Variants in GRAMD1B observed in about 807,000 individuals in gnomAD.
The protein encoded by GRAMD1B is GRAM domain containing 1B.
Under a neutral mutation model 99.7 loss-of-function variants are expected in GRAMD1B, and 37 were observed. The ratio of observed to expected loss-of-function variants is 0.37; its 90% CI spans 0.29 to 0.49. The LOEUF is 0.49. Among genes scored for constraint, GRAMD1B ranks in the 20% least tolerant of loss-of-function variants. The pLI is 0.98. For missense variants in GRAMD1B, 888 were observed against 1,009.2 expected, an observed-to-expected ratio of 0.88 and a Z score of 1.63; for synonymous variants, 427 against 387.6, an observed-to-expected ratio of 1.10 and a Z score of -1.19.
chr11:123,363,860 A>G (rs1197054722), intron 1 of GRAMD1B, among the ~76,000 whole-genome samples: 1 of 152,220 alleles, frequency 6.6e-6, no homozygotes, highest in Non-Finnish European at 1.5e-5. Context: ...ATTGGCTTAG[A>G]CACGGACTTA....
chr11:123,607,452 G>C (rs1952889874), intron 11 of GRAMD1B, among the ~76,000 whole-genome samples: 1 of 152,200 alleles, frequency 6.6e-6, no homozygotes, highest in South Asian at 2.1e-4. Flanking sequence ...TATGACTGGT[G>C]AGCATATGAG....
chr11:123,360,560 T>C (rs1274551380), intron 1 of GRAMD1B, among the ~76,000 whole-genome samples: 1 of 152,166 alleles, frequency 6.6e-6, no homozygotes, highest in Non-Finnish European at 1.5e-5. Flanking sequence ...TGTTTGGTTT[T>C]GGAGATTTGG....
intron 2 of GRAMD1B, among the ~76,000 whole-genome samples, chr11:123,546,166 A>C (rs1290811): frequency 0.79 from 120,330 of 152,134 alleles, 48,349 homozygotes; most frequent in African/African-American, 0.94. Context: ...CCACGCCCAA[A>C]TTGGTCCCCT....
In GRAMD1B at chr11:123,613,522, G is replaced by A. The variant is rs755392602; in HGVS notation, c.2091G>A (p.Lys697=). Residue 697 remains lysine (K), a synonymous_variant, in exon 16 of 20, where the codon AAG becomes AAA. Coordinates refer to ENST00000635736, the MANE Select transcript of GRAMD1B (RefSeq NM_001387025.1). The part of the protein sequence containing the change: ...AEMHRQSPKE[K]ASKTTTVRRR... The stretch of plus-strand genomic sequence containing the variant: ...TGCACAGACAATCTCCCAAAGAGAA[G>A]GCCAGCAAGACTACAACGGTGCGGA... 5.0e-6 allele frequency: 8 copies of A among 1,613,600 alleles called. No homozygotes were observed. Among genetic ancestry groups the A allele is most frequent in the Non-Finnish European group, 6.8e-6 (8 of 1,179,744 alleles).
chr11:123,560,623 C>G (rs1235925214), intron 2 of GRAMD1B: 1 of 492,562 alleles, frequency 2.0e-6, no homozygotes, highest in Non-Finnish European at 3.8e-6. Context: ...GCACTGCACT[C>G]TGCTACTGTT....
chr11:123,483,988 C>G (rs903673100), intron 2 of GRAMD1B, among the ~76,000 whole-genome samples: 57 of 152,324 alleles, frequency 3.7e-4, no homozygotes, highest in Middle Eastern at 3.4e-3. Flanking sequence ...TCATTCTTGT[C>G]AAGATGCTTA....
intron 2 of GRAMD1B, among the ~76,000 whole-genome samples, chr11:123,550,255 T>A (rs1239350776): frequency 6.6e-6 from 1 of 152,096 alleles, no homozygotes; most frequent in Admixed American, 6.5e-5. Flanking sequence ...CTCCCATTGA[T>A]CAACCTCTCG....
intron 2 of GRAMD1B, among the ~76,000 whole-genome samples, chr11:123,514,668 C>T (rs570956863): frequency 6.6e-6 from 1 of 152,294 alleles, no homozygotes; most frequent in African/African-American, 2.4e-5. Context: ...AAGCAGGGAG[C>T]TGAAGCGCTG....
chr11:123,588,542 A>G (rs1950294783), intron 4 of GRAMD1B, among the ~76,000 whole-genome samples: 1 of 152,190 alleles, frequency 6.6e-6, no homozygotes, highest in Non-Finnish European at 1.5e-5. Flanking sequence ...AGCTACCTAC[A>G]GCCTACATAC....
intron 1 of GRAMD1B, among the ~76,000 whole-genome samples, chr11:123,468,141 T>C (rs1211541205): frequency 1.3e-5 from 2 of 151,988 alleles, no homozygotes; most frequent in Non-Finnish European, 2.9e-5. Context: ...GGATTACAGG[T>C]GTGAGTCACC....
intron 1 of GRAMD1B, among the ~76,000 whole-genome samples, chr11:123,417,228 C>T (rs1948261958): frequency 1.3e-5 from 2 of 152,102 alleles, no homozygotes; most frequent in African/African-American, 2.4e-5. Flanking sequence ...CAAAAATTAG[C>T]TGGACGTGGT....
At chr11:123,570,421 CTTTT>C (rs755038860) in intron 2 of GRAMD1B, among the ~76,000 whole-genome samples, 6 of 130,582 alleles carry the variant, frequency 4.6e-5, no homozygotes, top group African/African-American at 5.8e-5. Context: ...TTTTTCTTTT[CTTTT>C]TTTTTTTTTT....
intron 2 of GRAMD1B, among the ~76,000 whole-genome samples, chr11:123,558,156 G>A (rs1313164668): frequency 6.6e-6 from 1 of 151,754 alleles, no homozygotes; most frequent in Non-Finnish European, 1.5e-5. Flanking sequence ...GCTAATTTTT[G>A]TATTTTTAGT....
intron 1 of GRAMD1B, among the ~76,000 whole-genome samples, chr11:123,452,939 C>T (rs1454773080): frequency 2.0e-5 from 3 of 152,166 alleles, no homozygotes; most frequent in South Asian, 2.1e-4. Context: ...TTCACAGGCA[C>T]CACTGAAGTA....
intron 2 of GRAMD1B, among the ~76,000 whole-genome samples, chr11:123,542,991 T>G (rs1944698498): frequency 6.6e-6 from 1 of 151,942 alleles, no homozygotes; most frequent in Admixed American, 6.5e-5. Context: ...TTTTTTAAAT[T>G]GAAACAGTGA....
chr11:123,465,604 T>TA (rs886441146), intron 1 of GRAMD1B, among the ~76,000 whole-genome samples: 10 of 150,608 alleles, frequency 6.6e-5, no homozygotes, highest in South Asian at 4.2e-4. Context: ...CCATCTCTAC[T>TA]AAAAAAAATA....
At chr11:123,417,479 G>A (rs1258979262) in intron 1 of GRAMD1B, among the ~76,000 whole-genome samples, 3 of 152,168 alleles carry the variant, frequency 2.0e-5, no homozygotes, top group Non-Finnish European at 4.4e-5. Context: ...ACTAACTTAG[G>A]ACTGAGATGT....
At chr11:123,505,315 A>AC (rs1940313379) in intron 2 of GRAMD1B, among the ~76,000 whole-genome samples, 1 of 152,058 alleles carries the variant, frequency 6.6e-6, no homozygotes, top group African/African-American at 2.4e-5. Flanking sequence ...TATAGACGCG[A>AC]GCCATCATGC....
chr11:123,518,727 C>T (rs937031360), intron 2 of GRAMD1B, among the ~76,000 whole-genome samples: 2 of 152,138 alleles, frequency 1.3e-5, no homozygotes, highest in African/African-American at 2.4e-5. Context: ...ATGAGGTCTG[C>T]GCAACCACTT....
Sources: allele counts gnomAD v4.1 joint callset (sites outside exome capture counted in the v4.1 genomes callset), GRCh38; gene constraint gnomAD v4.1.1; transcripts MANE v1.5; gene names NCBI Gene and HGNC (gene_info 2026-07-23, HGNC 2026-07-21).